The following AGBL4 variants were observed in gnomAD, a reference collection of about 807,000 sequenced individuals.
The protein encoded by AGBL4 is AGBL carboxypeptidase 4.
In AGBL4, 58 loss-of-function variants were observed where a neutral mutation model predicts 66.4. The observed-to-expected ratio is 0.87, with a 90% confidence interval of 0.71 to 1.09. The LOEUF (loss-of-function observed/expected upper bound fraction) is 1.09. AGBL4 is among the 50% of genes least tolerant of loss of function. The probability of loss-of-function intolerance (pLI) is 0.00; values close to 1 mark genes in which losing one functional copy is unlikely to be tolerated. For missense variants in AGBL4, 579 were observed against 631.0 expected, an observed-to-expected ratio of 0.92 and a Z score of 0.88; for synonymous variants, 234 against 222.9, an observed-to-expected ratio of 1.05 and a Z score of -0.44.
At chr1:49,307,796 G>A (rs779397221) in intron 3 of AGBL4, among the ~76,000 whole-genome samples, 51 of 152,060 alleles carry the variant, frequency 3.4e-4, no homozygotes, top group Non-Finnish European at 6.8e-4. Flanking sequence ...TCTCCAATCT[G>A]ATGAGACACA....
intron 5 of AGBL4, among the ~76,000 whole-genome samples, chr1:48,920,002 G>T (rs1398633776): frequency 1.3e-5 from 2 of 152,184 alleles, no homozygotes; most frequent in African/African-American, 4.8e-5. Context: ...GCTAGAAAAA[G>T]GATGGGGTAT....
At chr1:49,522,697 A>G (rs1257643751) in intron 3 of AGBL4, among the ~76,000 whole-genome samples, 6 of 152,076 alleles carry the variant, frequency 3.9e-5, no homozygotes, top group Non-Finnish European at 8.8e-5. Flanking sequence ...TAGCTCCTGT[A>G]ATTTCTTTCC....
intron 3 of AGBL4, among the ~76,000 whole-genome samples, chr1:49,351,520 T>C (rs1643908062): frequency 6.6e-6 from 1 of 152,104 alleles, no homozygotes; most frequent in African/African-American, 2.4e-5. Context: ...AAGCTGACTA[T>C]TCTAAAGCTT....
intron 1 of AGBL4, among the ~76,000 whole-genome samples, chr1:49,909,757 A>G (rs1650632291): frequency 6.6e-6 from 1 of 152,234 alleles, no homozygotes. Context: ...GAAGCAAGGA[A>G]AACATCAGGA....
At chr1:49,634,915 C>A (rs1338964540) in intron 3 of AGBL4, among the ~76,000 whole-genome samples, 1 of 152,152 alleles carries the variant, frequency 6.6e-6, no homozygotes, top group Non-Finnish European at 1.5e-5. Flanking sequence ...GTTGAGGCAT[C>A]AGAGAGATGC....
chr1:49,366,210 T>C (rs1467183322), intron 3 of AGBL4, among the ~76,000 whole-genome samples: 1 of 152,246 alleles, frequency 6.6e-6, no homozygotes, highest in Non-Finnish European at 1.5e-5. Context: ...CCAGGGATTA[T>C]GTCTGTCTTG....
At chr1:49,519,556 T>C (rs1650092154) in intron 3 of AGBL4, among the ~76,000 whole-genome samples, 1 of 152,070 alleles carries the variant, frequency 6.6e-6, no homozygotes, top group Non-Finnish European at 1.5e-5. Context: ...TGAGAAAATA[T>C]GAATTTTAAT....
At chr1:48,778,234 T>A (rs1341683858) in intron 6 of AGBL4, among the ~76,000 whole-genome samples, 1 of 152,182 alleles carries the variant, frequency 6.6e-6, no homozygotes, top group Non-Finnish European at 1.5e-5. Context: ...CAATATTCAC[T>A]GAGTTTACAC....
rs1355512512 is a variant in AGBL4 at position 49,487,497 on chromosome 1, G to GAGTGAGTT, written c.282+209808_282+209815dup. Among the ~76,000 whole-genome samples the GAGTGAGTT allele has an allele frequency of 3.3e-5, 5 of 151,986 alleles. No homozygotes were observed. The East Asian group carries it at 9.7e-4, about 30-fold the overall frequency. ...CCTCAGACAGACAAGACAAGCTAGT[G>GAGTGAGTT]AGTGAGTTCTCAGGAGATTTGGTGG... On this transcript the variant is annotated intron_variant, in intron 3 of 13. Transcript: ENST00000371839.
In AGBL4 at chr1:49,309,438, TA is replaced by T. The variant is rs536660409; in HGVS notation, c.283-63575del. On this transcript the variant is annotated intron_variant, in intron 3 of 13. Coordinates refer to ENST00000371839, the MANE Select transcript of AGBL4 (RefSeq NM_032785.4). ...AATTAAATAAGTGCCATAATATAAT[TA>T]TGATATTTTTGATACTGGTGATCTG... Among the ~76,000 whole-genome samples the T allele has an allele frequency of 5.0e-4, 76 of 152,156 alleles. 1 individual carries two copies. The highest frequency in any genetic ancestry group is 1.8e-3 in the African/African-American group (75 of 41,542).
At chr1:49,654,668 CATTAT>C (rs1646082527) in intron 3 of AGBL4, among the ~76,000 whole-genome samples, 1 of 152,138 alleles carries the variant, frequency 6.6e-6, no homozygotes, top group Non-Finnish European at 1.5e-5. Context: ...ATCGCTTTAT[CATTAT>C]ATAATGGCCT....
At chr1:49,566,920 C>T (rs1644220562) in intron 3 of AGBL4, among the ~76,000 whole-genome samples, 1 of 152,218 alleles carries the variant, frequency 6.6e-6, no homozygotes, top group Admixed American at 6.5e-5. Context: ...GCAGGCAGGC[C>T]TCCTTGAGCT....
intron 4 of AGBL4, among the ~76,000 whole-genome samples, chr1:49,152,812 T>C (rs985644456): frequency 6.6e-6 from 1 of 152,116 alleles, no homozygotes; most frequent in Non-Finnish European, 1.5e-5. Context: ...ATTAATAAAA[T>C]TTCACCCACA....
chr1:48,595,995 AAC>A (rs1196054448), intron 9 of AGBL4, among the ~76,000 whole-genome samples: 2 of 152,240 alleles, frequency 1.3e-5, no homozygotes, highest in African/African-American at 4.8e-5. Context: ...AGGCAGGAAT[AAC>A]CGCAAGTTGA....
chr1:49,046,336 T>C (rs1159261376), intron 4 of AGBL4, among the ~76,000 whole-genome samples: 1 of 152,216 alleles, frequency 6.6e-6, no homozygotes, highest in Non-Finnish European at 1.5e-5. Context: ...TTAAGAACTT[T>C]TAAAATAAAC....
At chr1:48,860,142 A>G (rs996612564) in intron 6 of AGBL4, among the ~76,000 whole-genome samples, 2 of 152,238 alleles carry the variant, frequency 1.3e-5, no homozygotes, top group Non-Finnish European at 2.9e-5. Context: ...GGAAAAGAAT[A>G]CGGTACTTCC....
intron 2 of AGBL4, among the ~76,000 whole-genome samples, chr1:49,806,784 A>G (rs1232418567): frequency 6.6e-6 from 1 of 152,150 alleles, no homozygotes; most frequent in Non-Finnish European, 1.5e-5. Flanking sequence ...AAGGGGCCAT[A>G]GGTGCCCACA....
intron 4 of AGBL4, among the ~76,000 whole-genome samples, chr1:49,245,203 C>T (rs1336017014): frequency 6.7e-6 from 1 of 149,538 alleles, no homozygotes; most frequent in Non-Finnish European, 1.5e-5. Flanking sequence ...TTAACCAATC[C>T]TATCCAACTC....
chr1:49,948,142 A>C (rs1262140441), intron 1 of AGBL4, among the ~76,000 whole-genome samples: 2 of 103,586 alleles, frequency 1.9e-5, no homozygotes, highest in Admixed American at 1.4e-4. Context: ...ATATATGTAA[A>C]TATATATAAA....
Sources: gnomAD v4.1 joint callset for allele counts (sites outside exome capture counted in the v4.1 genomes callset) on GRCh38, gnomAD v4.1.1 for gene constraint, MANE v1.5 for transcripts, NCBI Gene and HGNC (gene_info 2026-07-23, HGNC 2026-07-21) for gene names.